The following JHY variants were observed in gnomAD, a reference collection of about 807,000 sequenced individuals.
JHY encodes the protein jhy protein homolog.
JHY carries 69 observed loss-of-function variants against 78.0 expected under a neutral mutation model. The observed-to-expected ratio is 0.88, with a 90% CI of 0.73 to 1.08. The LOEUF is 1.08. JHY is among the 50% of genes least tolerant of loss of function. The pLI, the probability that JHY is intolerant of heterozygous loss-of-function variation, is 0.00. For synonymous variants in JHY, 368 were observed against 342.6 expected (o/e 1.07, Z -0.82); for missense variants, 944 against 927.8 (o/e 1.02, Z -0.23).
intron 6 of JHY, among the ~76,000 whole-genome samples, chr11:122,948,322 A>G (rs1298605140): frequency 6.6e-6 from 1 of 151,952 alleles, no homozygotes; most frequent in African/African-American, 2.4e-5. Flanking sequence ...AGGTGCCTGT[A>G]ATCTCAGCTA....
At chr11:122,892,082 A>T (rs1488958096) in intron 2 of JHY, among the ~76,000 whole-genome samples, 2 of 152,158 alleles carry the variant, frequency 1.3e-5, no homozygotes, top group African/African-American at 4.8e-5. Context: ...GGGAGGTCAT[A>T]GTAGCCATTA....
chr11:122,891,372 A>C (rs1862610888), intron 2 of JHY, among the ~76,000 whole-genome samples: 1 of 152,148 alleles, frequency 6.6e-6, no homozygotes, highest in Non-Finnish European at 1.5e-5. Flanking sequence ...AAAACCTTTT[A>C]CTTAATGGAA....
intron 2 of JHY, among the ~76,000 whole-genome samples, chr11:122,890,057 G>GT (rs34251446): frequency 1.3e-4 from 19 of 148,502 alleles, no homozygotes; most frequent in East Asian, 8.0e-4. Context: ...CCAGTTTCTT[G>GT]TTTTTTTTTT....
intron 5 of JHY, among the ~76,000 whole-genome samples, chr11:122,941,263 A>G (rs1863869618): frequency 6.6e-6 from 1 of 152,066 alleles, no homozygotes; most frequent in African/African-American, 2.4e-5. Context: ...CTGTACCTGA[A>G]CCTCTTTCTA....
chr11:122,954,245 A>AAAGGG (rs1357455994), intron 6 of JHY, among the ~76,000 whole-genome samples: 1 of 152,194 alleles, frequency 6.6e-6, no homozygotes, highest in African/African-American at 2.4e-5. Context: ...CCTTACCAAG[A>AAAGGG]AAGGGAAGGG....
At position 122,892,326 on chromosome 11, in the gene JHY, AT is replaced by A. The variant is rs879432982; in HGVS notation, c.344+6147del. Reference sequence around the variant, plus strand: ...AAAAAAGGGACTCATAATAATCTGCATTTTTTTTTTTTTTGAGATGGAGTCT... The same window carrying A: ...AAAAAAGGGACTCATAATAATCTGCATTTTTTTTTTTTTGAGATGGAGTCT... On this transcript the variant is annotated intron_variant, in intron 2 of 8. Transcript: ENST00000227349. Among the ~76,000 whole-genome samples, 1,050 of 146,576 alleles carry A rather than the reference AT, an allele frequency of 7.2e-3. 16 individuals are homozygous for A. The highest frequency in any genetic ancestry group is 0.024 in the African/African-American group (950 of 40,180).
chr11:122,907,509 G>C (rs1367887201), intron 3 of JHY, among the ~76,000 whole-genome samples: 1 of 152,094 alleles, frequency 6.6e-6, no homozygotes, highest in Non-Finnish European at 1.5e-5. Flanking sequence ...GCAGTAGTTT[G>C]CTAACCTGGC....
Position 122,959,784 on chromosome 11 carries a change from G to A in JHY, c.*339G>A, listed in dbSNP as rs372916740. ...ATAATGGAAACCTTAAAGTTACCCA[G>A]AAATAAATGTAGCTGTGTTTCTCTC... On this transcript the variant is annotated 3_prime_UTR_variant, in exon 9 of 9. Transcript: ENST00000227349. 1.5e-4 allele frequency: 27 copies of A among 176,116 alleles called. No individual in the cohort carries two copies. The East Asian group carries it at 4.3e-3, about 28-fold the overall frequency. 10.9% of individuals were successfully genotyped at this position (176,116 alleles called of 1,614,324 possible). A position where few individuals can be genotyped will look rare whatever the true frequency, so the allele number is the denominator to read the frequency against.
At position 122,935,032 on chromosome 11, in the gene JHY, C is replaced by T. The variant is rs1320800727; in HGVS notation, c.1591C>T (p.Gln531Ter). The T allele has an allele frequency of 1.9e-6, 3 of 1,585,566 alleles. No homozygotes were observed. The highest frequency in any genetic ancestry group is 8.5e-7 in the Non-Finnish European group (1 of 1,170,090). ...AACCAAAAATAAGAAACAACTCAAA[C>T]AGCCTTATACAGAGACAAAATACAG... ...GSTKNKKQLK[Q>*]PYTETKYRNL... is the part of the protein sequence containing the mutation. The change falls in exon 5 of 9, where the codon CAG (glutamine) becomes TAG (stop). Residue 531 changes from glutamine to a stop codon, truncating the protein, a stop_gained. Transcript: ENST00000227349. LOFTEE classifies it high-confidence loss of function. This position sits in a 1 kb window ranked among gnomAD's most constrained non-coding sequence, Gnocchi z 4.5.
chr11:122,901,184 A>G (rs61616169), intron 2 of JHY, among the ~76,000 whole-genome samples: 6,769 of 152,300 alleles, frequency 0.044, 492 homozygotes, highest in African/African-American at 0.15. Flanking sequence ...TGTGCATCTA[A>G]ACATAGAAAA....
chr11:122,885,954 A>C lies in JHY; in HGVS notation c.105A>C (p.Leu35Phe). The C allele has an allele frequency of 1.2e-6, 2 of 1,614,192 alleles. No homozygotes were observed. The highest frequency in any genetic ancestry group is 1.7e-6 in the Non-Finnish European group (2 of 1,179,998). The part of the protein sequence containing the change: ...STHPPLKKED[L>F]HRISKDSLES... ...ACCCACCTTTGAAGAAAGAAGACTT[A>C]CATCGGATTTCAAAAGACTCCTTGG... Residue 35 changes from leucine (L) to phenylalanine (F), a missense_variant, in exon 2 of 9, where the codon TTA becomes TTC. By Grantham distance (22) the Leu-to-Phe change is conservative. Coordinates refer to ENST00000227349, the MANE Select transcript of JHY (RefSeq NM_024806.4).
intron 3 of JHY, among the ~76,000 whole-genome samples, chr11:122,906,660 A>G (rs1325490726): frequency 6.6e-6 from 1 of 152,234 alleles, no homozygotes; most frequent in Non-Finnish European, 1.5e-5. Flanking sequence ...TTTATTTCCA[A>G]TAATAAAAGG....
intron 3 of JHY, among the ~76,000 whole-genome samples, chr11:122,915,710 C>T (rs995801986): frequency 6.6e-6 from 1 of 152,082 alleles, no homozygotes; most frequent in Non-Finnish European, 1.5e-5. Flanking sequence ...GCAGGGGTTT[C>T]ACCATGTTGG....
chr11:122,956,639 T>G, intron 7 of JHY, 63 bp downstream of exon 7: 1 of 1,389,636 alleles, frequency 7.2e-7, no homozygotes, highest in South Asian at 1.2e-5. Flanking sequence ...GTTAGGAAAC[T>G]TTATGAAGAC....
At chr11:122,939,083 G>A (rs1427792467) in intron 5 of JHY, among the ~76,000 whole-genome samples, 2 of 151,760 alleles carry the variant, frequency 1.3e-5, no homozygotes, top group Non-Finnish European at 1.5e-5. Flanking sequence ...TGCCTACCGG[G>A]TTCAAGCGAT....
chr11:122,953,149 A>G (rs1864126077), intron 6 of JHY, among the ~76,000 whole-genome samples: 1 of 152,218 alleles, frequency 6.6e-6, no homozygotes, highest in Non-Finnish European at 1.5e-5. Flanking sequence ...GCCCAGAAAA[A>G]CAATGCTTAC....
chr11:122,957,373 T>A lies in JHY; in HGVS notation c.2021T>A (p.Leu674Ter). 2 of 1,527,588 alleles carry A rather than the reference T, an allele frequency of 1.3e-6. No homozygotes were observed. Among genetic ancestry groups the A allele is most frequent in the Non-Finnish European group, 1.7e-6 (2 of 1,150,526 alleles). The allele number at this position is 1,527,588 out of a possible 1,614,324, so 94.6% of individuals were successfully genotyped here. A position where few individuals can be genotyped will look rare whatever the true frequency, so the allele number is the denominator to read the frequency against. ...TGTTTCTCTGAACAGACGCAAAAAT[T>A]AATACAGCAAAAGGAATATGCAAAA... ...FESIRDKTQKLIQQKEYAKQV... is the reference protein window; with the variant it reads ...FESIRDKTQK The change falls in exon 8 of 9, where the codon TTA becomes TAA. Residue 674 changes from leucine to a stop codon, truncating the protein, a stop_gained. Coordinates refer to ENST00000227349, the MANE Select transcript of JHY (RefSeq NM_024806.4). LOFTEE classifies it high-confidence loss of function.
rs913152336 is a variant in JHY at position 122,960,850 on chromosome 11, A to T, written c.*1405A>T. On this transcript the variant is annotated 3_prime_UTR_variant, in exon 9 of 9. Coordinates refer to ENST00000227349, the MANE Select transcript of JHY (RefSeq NM_024806.4). ...TACCTTTTTGATGTGCAGAGGAATAACATTGCTATGGCTGTGGAGGTTACT... is the reference window on the plus strand; with the variant it reads ...TACCTTTTTGATGTGCAGAGGAATATCATTGCTATGGCTGTGGAGGTTACT... 2.7e-5 allele frequency: 18 copies of T among 659,070 alleles called. No individual in the cohort carries two copies. The highest frequency in any genetic ancestry group is 2.7e-4 in the African/African-American group (15 of 55,838). 40.8% of individuals were successfully genotyped at this position (659,070 alleles called of 1,614,324 possible).
chr11:122,961,126 A>G lies in JHY; in HGVS notation c.*1681A>G, dbSNP rs1864304922. ...CAATTGAGAGAGCCAGAAACAGTTG[A>G]CTGACTAAATGGAAACTAGGCTATG... is the stretch of plus-strand genomic sequence containing the variant. On this transcript the variant is annotated 3_prime_UTR_variant, in exon 9 of 9. Coordinates refer to ENST00000227349, the MANE Select transcript of JHY (RefSeq NM_024806.4). 1.2e-6 allele frequency: 1 copy of G among 807,502 alleles called. No homozygotes were observed. The highest frequency in any genetic ancestry group is 2.0e-6 in the Non-Finnish European group (1 of 491,134). The allele number at this position is 807,502 out of a possible 1,614,324, so 50.0% of individuals were successfully genotyped here. A position where few individuals can be genotyped will look rare whatever the true frequency, so the allele number is the denominator to read the frequency against.
Sources: gnomAD v4.1 joint callset for allele counts (sites outside exome capture counted in the v4.1 genomes callset) on GRCh38, gnomAD v4.1.1 for gene constraint, Gnocchi (gnomAD v3.1) non-coding constraint, MANE v1.5 for transcripts, NCBI Gene and HGNC (gene_info 2026-07-23, HGNC 2026-07-21) for gene names.